The following FHIT variants were observed in gnomAD, a reference collection of about 807,000 sequenced individuals.
FHIT encodes fragile histidine triad diadenosine triphosphatase.
FHIT carries 19 observed loss-of-function variants against 17.9 expected under a neutral mutation model. The ratio of observed to expected loss-of-function variants is 1.06; its 90% confidence interval spans 0.74 to 1.56. The LOEUF (loss-of-function observed/expected upper bound fraction) is 1.56. Ranked by LOEUF, FHIT falls within the 40% of genes most tolerant of loss-of-function variation. The pLI is 0.00. For synonymous variants in FHIT, 81 were observed against 69.7 expected (o/e 1.16, Z -0.81); for missense variants, 248 against 189.2 (o/e 1.31, Z -1.82).
intron 5 of FHIT, among the ~76,000 whole-genome samples, chr3:60,466,431 A>G (rs1480806051): frequency 6.6e-6 from 1 of 152,076 alleles, no homozygotes; most frequent in Non-Finnish European, 1.5e-5. Flanking sequence ...CAGTGGTGAA[A>G]GTGAGCATGT....
intron 5 of FHIT, among the ~76,000 whole-genome samples, chr3:60,313,196 T>A (rs1255597423): frequency 1.3e-5 from 2 of 152,226 alleles, no homozygotes; most frequent in African/African-American, 4.8e-5. Flanking sequence ...ACATTACATA[T>A]GATATAAATA....
chr3:60,320,888 T>C (rs373169010), intron 5 of FHIT, among the ~76,000 whole-genome samples: 3 of 152,170 alleles, frequency 2.0e-5, no homozygotes, highest in Admixed American at 6.6e-5. Flanking sequence ...AAGGACTCAA[T>C]TGAAACCCAA....
chr3:60,031,204 G>T (rs1299968861), intron 5 of FHIT, among the ~76,000 whole-genome samples: 3 of 152,216 alleles, frequency 2.0e-5, no homozygotes, highest in African/African-American at 7.2e-5. Context: ...GTGTTGAGTT[G>T]AGGGAGGTGA....
intron 5 of FHIT, among the ~76,000 whole-genome samples, chr3:60,403,919 A>G (rs1039809651): frequency 2.6e-5 from 4 of 152,138 alleles, no homozygotes; most frequent in African/African-American, 9.7e-5. Context: ...GTTTTCAGCA[A>G]TCCTTCATAG....
intron 5 of FHIT, among the ~76,000 whole-genome samples, chr3:60,205,823 T>C (rs1049713333): frequency 1.3e-5 from 2 of 152,108 alleles, no homozygotes; most frequent in African/African-American, 4.8e-5. Flanking sequence ...AAAATAACAC[T>C]TAAGGCTGGG....
intron 5 of FHIT, among the ~76,000 whole-genome samples, chr3:60,132,930 G>A (rs781614212): frequency 7.9e-5 from 12 of 152,120 alleles, no homozygotes; most frequent in Non-Finnish European, 1.8e-4. Context: ...TCGCTTTTGA[G>A]TTAGATTACT....
At chr3:60,873,415 C>T (rs1413248461) in intron 3 of FHIT, among the ~76,000 whole-genome samples, 4 of 152,220 alleles carry the variant, frequency 2.6e-5, no homozygotes, top group Admixed American at 6.5e-5. Context: ...CACTCAGCGC[C>T]GTCCCAGGGA....
intron 5 of FHIT, among the ~76,000 whole-genome samples, chr3:60,143,195 C>T (rs569087225): frequency 5.0e-4 from 76 of 152,290 alleles, no homozygotes; most frequent in African/African-American, 1.8e-3. Flanking sequence ...ATCATAGCCA[C>T]GGTAGATAGC....
chr3:60,750,240 A>G (rs907507250), intron 4 of FHIT, among the ~76,000 whole-genome samples: 8 of 151,860 alleles, frequency 5.3e-5, no homozygotes, highest in Admixed American at 2.6e-4. Flanking sequence ...CTCTGAGAGG[A>G]CTCACCTCTC....
chr3:60,918,601 G>A (rs1369014474), intron 3 of FHIT, among the ~76,000 whole-genome samples: 1 of 152,166 alleles, frequency 6.6e-6, no homozygotes, highest in Non-Finnish European at 1.5e-5. Flanking sequence ...TCAAAAAGAA[G>A]GCTGGAGAAG....
At chr3:61,033,927 A>C (rs1239948193) in intron 3 of FHIT, among the ~76,000 whole-genome samples, 1 of 152,114 alleles carries the variant, frequency 6.6e-6, no homozygotes, top group Non-Finnish European at 1.5e-5. Context: ...CTATAGCAAG[A>C]CTCTAAGCAA....
intron 3 of FHIT, among the ~76,000 whole-genome samples, chr3:60,943,416 G>A (rs7638932): frequency 0.14 from 21,642 of 152,026 alleles, 2,043 homozygotes; most frequent in Middle Eastern, 0.22. Context: ...TATTAATAGT[G>A]TCACCAGCTT....
chr3:61,009,342 T>C (rs2031658040), intron 3 of FHIT, among the ~76,000 whole-genome samples: 1 of 152,216 alleles, frequency 6.6e-6, no homozygotes, highest in Admixed American at 6.5e-5. Flanking sequence ...CCTGTTTTTG[T>C]GTTTTCTTCT....
chr3:60,077,686 TCACACA>T (rs35531886), intron 5 of FHIT, among the ~76,000 whole-genome samples: 2,616 of 110,310 alleles, frequency 0.024, 130 homozygotes, highest in African/African-American at 0.073. Flanking sequence ...CGATTTTACT[TCACACA>T]CACACACACA....
At chr3:59,982,492 T>G (rs777694804) in intron 7 of FHIT, among the ~76,000 whole-genome samples, 41 of 152,206 alleles carry the variant, frequency 2.7e-4, no homozygotes, top group Non-Finnish European at 5.1e-4. Context: ...GTGAAGTATA[T>G]TATCAATAAC....
intron 5 of FHIT, among the ~76,000 whole-genome samples, chr3:60,321,389 T>C (rs937060594): frequency 6.6e-6 from 1 of 152,124 alleles, no homozygotes; most frequent in African/African-American, 2.4e-5. Flanking sequence ...GACAGGAGTA[T>C]TGTTTGAACT....
chr3:60,088,861 G>C (rs2107083297), intron 5 of FHIT, among the ~76,000 whole-genome samples: 1 of 152,284 alleles, frequency 6.6e-6, no homozygotes, highest in Non-Finnish European at 1.5e-5. Context: ...ACCTAGAAAA[G>C]TGCCTGACAC....
chr3:61,164,463 A>C (rs1228581716), intron 2 of FHIT, among the ~76,000 whole-genome samples: 1 of 152,188 alleles, frequency 6.6e-6, no homozygotes, highest in African/African-American at 2.4e-5. Context: ...TTAGAGACTC[A>C]TTGGCATAGA....
At chr3:59,765,654 T>C (rs1197448927) in intron 8 of FHIT, among the ~76,000 whole-genome samples, 1 of 152,198 alleles carries the variant, frequency 6.6e-6, no homozygotes. Flanking sequence ...TGAGAAGATA[T>C]ACTGGAATAA....
Sources: gnomAD v4.1 joint callset for allele counts (sites outside exome capture counted in the v4.1 genomes callset) on GRCh38, gnomAD v4.1.1 for gene constraint, MANE v1.5 for transcripts, NCBI Gene and HGNC (gene_info 2026-07-23, HGNC 2026-07-21) for gene names.